The following FAR2 variants were observed in gnomAD, a reference collection of about 807,000 sequenced individuals.
FAR2 encodes epididymis secretory protein Li 81.
In FAR2, 19 loss-of-function variants were observed where a neutral mutation model predicts 56.0. The observed-to-expected ratio is 0.34, with a 90% confidence interval of 0.24 to 0.50. The LOEUF (loss-of-function observed/expected upper bound fraction) is 0.50, where lower values mean the gene tolerates loss of function less well. FAR2 is among the 20% of genes least tolerant of loss of function. FAR2 has a pLI of 0.98. For missense variants in FAR2, 508 were observed against 642.2 expected, an observed-to-expected ratio of 0.79 and a Z score of 2.26; for synonymous variants, 219 against 218.8, an observed-to-expected ratio of 1.00 and a Z score of -0.01.
At chr12:29,324,281 C>A (rs896094647) in intron 10 of FAR2, among the ~76,000 whole-genome samples, 4 of 152,144 alleles carry the variant, frequency 2.6e-5, no homozygotes, top group African/African-American at 7.2e-5. Flanking sequence ...ATTGGTGTAC[C>A]TGAAAGTGAC....
intron 4 of FAR2, among the ~76,000 whole-genome samples, chr12:29,306,575 A>G (rs973372835): frequency 2.0e-5 from 3 of 152,228 alleles, no homozygotes; most frequent in African/African-American, 7.2e-5. Flanking sequence ...TCACACTAGC[A>G]TATTTCGGCA....
At chr12:29,158,528 C>T (rs1949751713) in intron 1 of FAR2, among the ~76,000 whole-genome samples, 1 of 152,258 alleles carries the variant, frequency 6.6e-6, no homozygotes, top group Non-Finnish European at 1.5e-5. Flanking sequence ...TCTTTTCCTT[C>T]TGCTATTTTG....
intron 1 of FAR2, among the ~76,000 whole-genome samples, chr12:29,243,145 G>T (rs541900902): frequency 1.3e-5 from 2 of 152,316 alleles, no homozygotes; most frequent in South Asian, 2.1e-4. Flanking sequence ...TAGAGGTGGG[G>T]CACCCTGCGT....
Position 29,332,743 on chromosome 12 carries a change from C to T in FAR2, c.1385+16C>T. On this transcript the variant is annotated intron_variant, in intron 11 of 11. Coordinates refer to ENST00000536681, the MANE Select transcript of FAR2 (RefSeq NM_001271783.2). ...GCTTAAAAAGGTAAGTATAATCAGT[C>T]AGTTAATATTTATTGAGCACCTACT... 1.9e-6 allele frequency: 3 copies of T among 1,607,690 alleles called. No homozygotes were observed. Among genetic ancestry groups the T allele is most frequent in the South Asian group, 1.1e-5 (1 of 90,480 alleles).
chr12:29,332,845 G>T lies in FAR2; in HGVS notation c.1385+118G>T, dbSNP rs751131241. ...TTCTTGAGCATTTACTACATTACAG[G>T]TCCTGCACTCCATACTCTACCCTGT... On this transcript the variant is annotated intron_variant, in intron 11 of 11. Coordinates refer to ENST00000536681, the MANE Select transcript of FAR2 (RefSeq NM_001271783.2). 4 of 932,686 alleles carry T rather than the reference G, an allele frequency of 4.3e-6. No individual in the cohort carries two copies. The East Asian group carries it at 1.1e-4, about 25-fold the overall frequency. 57.8% of individuals were successfully genotyped at this position (932,686 alleles called of 1,614,324 possible).
At chr12:29,252,739 T>C (rs1948233668) in intron 1 of FAR2, among the ~76,000 whole-genome samples, 2 of 152,216 alleles carry the variant, frequency 1.3e-5, no homozygotes, top group Admixed American at 1.3e-4. Context: ...GATGGAATTA[T>C]AACCTTGTTA....
At chr12:29,221,383 T>A (rs1044442623) in intron 1 of FAR2, among the ~76,000 whole-genome samples, 2 of 152,168 alleles carry the variant, frequency 1.3e-5, no homozygotes, top group East Asian at 1.9e-4. Flanking sequence ...ACCCTGCTCT[T>A]GCCTGACCAG....
intron 1 of FAR2, among the ~76,000 whole-genome samples, chr12:29,256,062 G>C (rs1948311369): frequency 6.6e-6 from 1 of 152,054 alleles, no homozygotes. Context: ...AGTAGAGACA[G>C]GGTTTCATCA....
intron 1 of FAR2, among the ~76,000 whole-genome samples, chr12:29,179,951 A>G (rs775256331): frequency 1.3e-5 from 2 of 152,358 alleles, no homozygotes; most frequent in Non-Finnish European, 2.9e-5. Context: ...CTTGCCTTTC[A>G]AAGTAGCTGG....
intron 1 of FAR2, among the ~76,000 whole-genome samples, chr12:29,164,468 C>T (rs1949808820): frequency 2.0e-5 from 3 of 152,172 alleles, no homozygotes; most frequent in Admixed American, 6.5e-5. Flanking sequence ...CTCCCTAGCC[C>T]AACTCTTGGT....
chr12:29,149,682 C>G (rs1406504934), intron 1 of FAR2, among the ~76,000 whole-genome samples: 1 of 152,186 alleles, frequency 6.6e-6, no homozygotes, highest in Non-Finnish European at 1.5e-5. Flanking sequence ...GTGGGGCGCG[C>G]GGGGGTTGCA....
intron 8 of FAR2, among the ~76,000 whole-genome samples, chr12:29,314,231 G>T (rs1327172588): frequency 1.3e-5 from 2 of 152,162 alleles, no homozygotes; most frequent in African/African-American, 4.8e-5. Context: ...AGATCTAATA[G>T]ACTTGGATTC....
chr12:29,308,102 A>T, intron 5 of FAR2: 1 of 297,906 alleles, frequency 3.4e-6, no homozygotes. Context: ...CAAAATTCAC[A>T]TGGGTGATGG....
intron 1 of FAR2, among the ~76,000 whole-genome samples, chr12:29,258,689 A>G (rs1365244108): frequency 6.6e-6 from 1 of 152,220 alleles, no homozygotes; most frequent in African/African-American, 2.4e-5. Flanking sequence ...AATGAAATTG[A>G]CTTGATTATG....
At position 29,334,459 on chromosome 12, in the gene FAR2, G is replaced by C. The variant is rs963874523; in HGVS notation, c.*665G>C. 6.6e-6 allele frequency: 1 copy of C among 152,106 alleles called. No individual in the cohort carries two copies. The highest frequency in any genetic ancestry group is 6.6e-5 in the Admixed American group (1 of 15,254). The allele number at this position is 152,106 out of a possible 1,614,324, so 9.4% of individuals were successfully genotyped here. A position where few individuals can be genotyped will look rare whatever the true frequency, so the allele number is the denominator to read the frequency against. ...GTGAGGGATTAAGCATATTTGCATTGGGGACTCGTGTATTATGCTTTTAAG... is the reference window on the plus strand; with the variant it reads ...GTGAGGGATTAAGCATATTTGCATTCGGGACTCGTGTATTATGCTTTTAAG... On this transcript the variant is annotated 3_prime_UTR_variant, in exon 12 of 12. Transcript: ENST00000536681.
At position 29,207,189 on chromosome 12, in the gene FAR2, C is replaced by T. The variant is rs199576172; in HGVS notation, c.-39+57782C>T. 4.6e-5 allele frequency among the ~76,000 whole-genome samples: 7 copies of T among 152,156 alleles called. No individual in the cohort carries two copies. The East Asian group carries it at 1.3e-3, about 29-fold the overall frequency. The stretch of plus-strand genomic sequence containing the variant: ...CAATGGAGTAAATTTAGCCACAACG[C>T]CTGACTTTTTCAGCTGGAGAAATAT... On this transcript the variant is annotated intron_variant, in intron 1 of 11. Coordinates refer to ENST00000536681, the MANE Select transcript of FAR2 (RefSeq NM_001271783.2).
intron 1 of FAR2, among the ~76,000 whole-genome samples, chr12:29,211,675 G>A (rs1947551151): frequency 6.6e-6 from 1 of 151,970 alleles, no homozygotes; most frequent in South Asian, 2.1e-4. Context: ...CTTCATAGCT[G>A]TAGAAAAATC....
chr12:29,258,075 G>T (rs2136688361), intron 1 of FAR2, among the ~76,000 whole-genome samples: 1 of 152,174 alleles, frequency 6.6e-6, no homozygotes. Context: ...TGGGCACAGT[G>T]GCTCACGCAT....
chr12:29,193,233 T>A (rs1028532872), intron 1 of FAR2, among the ~76,000 whole-genome samples: 4 of 152,200 alleles, frequency 2.6e-5, no homozygotes, highest in African/African-American at 9.6e-5. Context: ...CTGGTGAACC[T>A]GTATGGACAC....
Sources: gnomAD v4.1 joint callset for allele counts (sites outside exome capture counted in the v4.1 genomes callset) on GRCh38, gnomAD v4.1.1 for gene constraint, MANE v1.5 for transcripts, NCBI Gene and HGNC (gene_info 2026-07-23, HGNC 2026-07-21) for gene names.